The following CKAP5 variants were observed in gnomAD, a reference collection of about 807,000 sequenced individuals.
CKAP5 encodes cytoskeleton-associated protein 5.
CKAP5 carries 27 observed loss-of-function variants against 232.8 expected under a neutral mutation model. That is an observed-to-expected ratio of 0.12 (90% CI 0.09 to 0.16). The LOEUF is 0.16. Among genes scored for constraint, CKAP5 ranks in the 10% least tolerant of loss-of-function variants. CKAP5 has a pLI of 1.00. For missense variants in CKAP5, 1,838 were observed against 2,424.7 expected (o/e 0.76, Z 5.08); for synonymous variants, 785 against 841.1 (o/e 0.93, Z 1.16).
chr11:46,764,579 C>T (rs1592441618), intron 28 of CKAP5, among the ~76,000 whole-genome samples: 2 of 152,162 alleles, frequency 1.3e-5, no homozygotes, highest in East Asian at 3.9e-4. Context: ...TAAAAATATA[C>T]ATATGATAGT....
Position 46,763,544 on chromosome 11 carries a change from T to C in CKAP5, c.3624A>G (p.Leu1208=), listed in dbSNP as rs1267389545. The C allele has an allele frequency of 6.2e-7, 1 of 1,606,642 alleles. No homozygotes were observed. Among genetic ancestry groups the C allele is most frequent in the Non-Finnish European group, 8.5e-7 (1 of 1,177,246 alleles). The part of the protein sequence containing the change: ...TQMSSCVAKW[L]QDEMFHSDFQ... Reference sequence around the variant, plus strand: ...AGTCTGAGTGAAACATCTCATCTTGTAACCATTTAGCCACACAGCTAGACA... The same window carrying C: ...AGTCTGAGTGAAACATCTCATCTTGCAACCATTTAGCCACACAGCTAGACA... The change falls in exon 29 of 44, where the codon TTA becomes TTG. Residue 1208 remains leucine (L), a synonymous_variant. Coordinates refer to ENST00000529230, the MANE Select transcript of CKAP5 (RefSeq NM_001008938.4).
intron 26 of CKAP5, among the ~76,000 whole-genome samples, chr11:46,768,045 C>G (rs1365777599): frequency 6.6e-6 from 1 of 151,962 alleles, no homozygotes; most frequent in Middle Eastern, 3.4e-3. Context: ...ATCCACCCAC[C>G]TTGGCTTCCC....
rs1377959126 is a variant in CKAP5 at position 46,769,950 on chromosome 11, A to G, written c.3322+13T>C. ...TATTTCCTTCCCCTTTAACCTTCTTAAGATAGAGTTACCTGATGCAGGCTG... is the reference window on the plus strand; with the variant it reads ...TATTTCCTTCCCCTTTAACCTTCTTGAGATAGAGTTACCTGATGCAGGCTG... On this transcript the variant is annotated intron_variant, in intron 26 of 43. Coordinates refer to ENST00000529230, the MANE Select transcript of CKAP5 (RefSeq NM_001008938.4). The G allele has an allele frequency of 1.2e-6, 2 of 1,613,898 alleles. No homozygotes were observed. Among genetic ancestry groups the G allele is most frequent in the East Asian group, 4.5e-5 (2 of 44,874 alleles).
At chr11:46,765,109 A>G (rs749481864) in intron 28 of CKAP5, 22 bp downstream of exon 28, 2 of 1,599,426 alleles carry the variant, frequency 1.3e-6, no homozygotes, top group African/African-American at 1.3e-5. Context: ...AAATCTCCTG[A>G]CGATTCTTAA....
At position 46,795,768 on chromosome 11, in the gene CKAP5, T is replaced by C. The variant is rs1938857922; in HGVS notation, c.1476A>G (p.Glu492=). The change falls in exon 13 of 44, where the codon GAA becomes GAG. Residue 492 remains glutamate (E), a synonymous_variant. Coordinates refer to ENST00000529230, the MANE Select transcript of CKAP5 (RefSeq NM_001008938.4). ...GTATCAGTTCTACCTTTTCTGAACA[T>C]TCTTTGATCTGGAGAATGAAAGTGA... ...VDKLKLDKIK[E]CSEKVELIHG... 6.2e-7 allele frequency: 1 copy of C among 1,613,116 alleles called. No individual in the cohort carries two copies. The highest frequency in any genetic ancestry group is 8.5e-7 in the Non-Finnish European group (1 of 1,179,508).
chr11:46,829,012 A>C (rs920251117), intron 1 of CKAP5, among the ~76,000 whole-genome samples: 1 of 152,246 alleles, frequency 6.6e-6, no homozygotes, highest in African/African-American at 2.4e-5. Flanking sequence ...GGTAAATTTT[A>C]TACTATTGTT....
intron 9 of CKAP5, among the ~76,000 whole-genome samples, chr11:46,800,901 G>C (rs891176934): frequency 2.6e-5 from 4 of 152,070 alleles, no homozygotes; most frequent in African/African-American, 7.2e-5. Flanking sequence ...GTATAATGTT[G>C]TAAGAACAAA....
chr11:46,776,167 A>T (rs2065289308), intron 24 of CKAP5, 88 bp downstream of exon 24: 1 of 1,081,254 alleles, frequency 9.2e-7, no homozygotes, highest in Non-Finnish European at 1.3e-6. Flanking sequence ...ACTCATTCTA[A>T]CCATAAATGC....
chr11:46,814,901 C>T (rs1265177861), intron 4 of CKAP5, among the ~76,000 whole-genome samples: 1 of 152,150 alleles, frequency 6.6e-6, no homozygotes, highest in Non-Finnish European at 1.5e-5. Flanking sequence ...TATCTTTAGC[C>T]AACATCTCAA....
At chr11:46,826,480 G>A (rs1198278857) in intron 1 of CKAP5, among the ~76,000 whole-genome samples, 1 of 152,138 alleles carries the variant, frequency 6.6e-6, no homozygotes, top group Non-Finnish European at 1.5e-5. Context: ...GTTATACTCT[G>A]GTAAAAGCAA....
At position 46,760,684 on chromosome 11, in the gene CKAP5, C is replaced by T. The variant is rs1458848632; in HGVS notation, c.4322G>A (p.Arg1441His). 7 of 1,614,082 alleles carry T rather than the reference C, an allele frequency of 4.3e-6. No individual in the cohort carries two copies. The highest frequency in any genetic ancestry group is 1.6e-4 in the Middle Eastern group (1 of 6,084). ...PIKQVEEKPQRAQNISSNANM... is the reference protein window; with the variant it reads ...PIKQVEEKPQHAQNISSNANM... Reference sequence around the variant, plus strand: ...GGCATTGGAGCTTATGTTCTGTGCACGCTGAGGTTTCTCTTCCACCTGTTT... The same window carrying T: ...GGCATTGGAGCTTATGTTCTGTGCATGCTGAGGTTTCTCTTCCACCTGTTT... The change falls in exon 33 of 44, where the codon CGT (arginine) becomes CAT (histidine). Residue 1441 changes from arginine (R) to histidine (H), a missense_variant. By Grantham distance (29) the Arg-to-His change is conservative. Coordinates refer to ENST00000529230, the MANE Select transcript of CKAP5 (RefSeq NM_001008938.4).
intron 1 of CKAP5, among the ~76,000 whole-genome samples, chr11:46,829,985 A>G (rs1939743663): frequency 6.6e-6 from 1 of 152,006 alleles, no homozygotes; most frequent in African/African-American, 2.4e-5. Flanking sequence ...CTTTATTTGG[A>G]AAAAGGGTCT....
chr11:46,829,205 C>G (rs1299012384), intron 1 of CKAP5, among the ~76,000 whole-genome samples: 1 of 152,198 alleles, frequency 6.6e-6, no homozygotes, highest in African/African-American at 2.4e-5. Flanking sequence ...CCCTGTCACC[C>G]TTAAGACAGC....
At chr11:46,799,349 A>G (rs7118097) in intron 9 of CKAP5, among the ~76,000 whole-genome samples, 23,923 of 152,194 alleles carry the variant, frequency 0.16, 2,987 homozygotes, top group African/African-American at 0.35. Context: ...AAGATTTCAC[A>G]GAAGTGGTTA....
chr11:46,749,947 G>A (rs1017318763), intron 42 of CKAP5, among the ~76,000 whole-genome samples: 15 of 150,958 alleles, frequency 9.9e-5, no homozygotes, highest in African/African-American at 3.6e-4. Context: ...AAAAAAAAGA[G>A]GTCAGAGCAA....
At chr11:46,841,039 C>T (rs538754086) in intron 1 of CKAP5, among the ~76,000 whole-genome samples, 2 of 152,090 alleles carry the variant, frequency 1.3e-5, no homozygotes, top group Non-Finnish European at 2.9e-5. Flanking sequence ...GAGGCTGAGG[C>T]GGGCGGATCA....
chr11:46,767,755 T>A, intron 26 of CKAP5, 92 bp from the exon 27 acceptor site: 2 of 766,878 alleles, frequency 2.6e-6, no homozygotes, highest in South Asian at 3.8e-5. Context: ...CAAGGAAGCT[T>A]GCAGTCTTAA....
intron 14 of CKAP5, 105 bp downstream of exon 14, chr11:46,790,365 T>C (rs2134638509): frequency 3.3e-6 from 3 of 916,442 alleles, no homozygotes; most frequent in South Asian, 3.2e-5. Context: ...AGCTAAAAAA[T>C]ATCAATTAAC....
chr11:46,796,993 A>C, intron 11 of CKAP5, 53 bp from the exon 12 acceptor site: 2 of 1,594,858 alleles, frequency 1.3e-6, no homozygotes, highest in South Asian at 1.1e-5. Flanking sequence ...TTTAGGCATT[A>C]CTCATTTTAA....
Sources: allele counts gnomAD v4.1 joint callset (sites outside exome capture counted in the v4.1 genomes callset), GRCh38; gene constraint gnomAD v4.1.1; transcripts MANE v1.5; gene names NCBI Gene and HGNC (gene_info 2026-07-23, HGNC 2026-07-21).